CPPED1: variants seen among roughly 807,000 people sequenced by gnomAD.
CPPED1 encodes serine/threonine-protein phosphatase CPPED1.
Under a neutral mutation model 28.0 loss-of-function variants are expected in CPPED1, and 28 were observed. The ratio of observed to expected loss-of-function variants is 1.00; its 90% CI spans 0.74 to 1.37. The LOEUF is 1.37. Among genes scored for constraint, CPPED1 ranks in the 40% most tolerant of loss-of-function variants. CPPED1 has a pLI of 0.00. For missense variants in CPPED1, 504 were observed against 416.5 expected (o/e 1.21, Z -1.83); for synonymous variants, 198 against 180.2 (o/e 1.10, Z -0.79).
At chr16:12,799,904 A>C (rs558009120) in intron 1 of CPPED1, among the ~76,000 whole-genome samples, 2 of 152,286 alleles carry the variant, frequency 1.3e-5, no homozygotes, top group East Asian at 3.9e-4. Flanking sequence ...CGGGGCTAAG[A>C]AAAGTTCAGA....
intron 1 of CPPED1, among the ~76,000 whole-genome samples, chr16:12,783,838 G>C (rs16960666): frequency 0.098 from 14,984 of 152,236 alleles, 786 homozygotes; most frequent in East Asian, 0.13. Flanking sequence ...TGGGCCAGAA[G>C]TCAATCTGAA....
rs1241335952 is a variant in CPPED1, at chr16:12,682,444, T to C, written c.716-17329A>G. ...AGAATATGCAAGAGGAGGGCTGTAT[T>C]TTTTTAATACTAATATTTGGTTGTC... On this transcript the variant is annotated intron_variant, in intron 3 of 3. Coordinates refer to ENST00000381774, the MANE Select transcript of CPPED1 (RefSeq NM_018340.3). This position sits in a 1 kb window ranked among gnomAD's most constrained non-coding sequence, Gnocchi z 6.1. Among the ~76,000 whole-genome samples, 2 of 152,176 alleles carry C rather than the reference T, an allele frequency of 1.3e-5. No homozygotes were observed. Among genetic ancestry groups the C allele is most frequent in the Non-Finnish European group, 2.9e-5 (2 of 68,040 alleles).
chr16:12,766,166 G>A (rs2080436704), intron 2 of CPPED1, among the ~76,000 whole-genome samples: 1 of 151,240 alleles, frequency 6.6e-6, no homozygotes, highest in Non-Finnish European at 1.5e-5. Flanking sequence ...GCAGAGGCGG[G>A]TGCATCACCT....
rs559928020 is a variant in CPPED1, at chr16:12,711,763, G to C, written c.290-6714C>G. ...TGCTCTTTATTAGGGGTGTCCTCTG[G>C]GGATGTTGCCCTCTGAGCCTGTCTT... is the stretch of plus-strand genomic sequence containing the variant. On this transcript the variant is annotated intron_variant, in intron 2 of 3. Coordinates refer to ENST00000381774, the MANE Select transcript of CPPED1 (RefSeq NM_018340.3). Among the ~76,000 whole-genome samples, 10 of 152,222 alleles carry C rather than the reference G, an allele frequency of 6.6e-5. No individual in the cohort carries two copies. The East Asian group carries it at 1.9e-3, about 29-fold the overall frequency.
intron 2 of CPPED1, among the ~76,000 whole-genome samples, chr16:12,765,510 G>A (rs2080433268): frequency 6.6e-6 from 1 of 151,590 alleles, no homozygotes; most frequent in South Asian, 2.1e-4. Context: ...GTGCTTTCGG[G>A]AAAAAAAACA....
chr16:12,748,292 C>A (rs530068481), intron 2 of CPPED1, among the ~76,000 whole-genome samples: 3 of 152,068 alleles, frequency 2.0e-5, no homozygotes, highest in Non-Finnish European at 4.4e-5. Context: ...AATAAATGAA[C>A]TAGAATGATC....
chr16:12,686,720 A>G (rs2079935386), intron 3 of CPPED1, among the ~76,000 whole-genome samples: 1 of 152,190 alleles, frequency 6.6e-6, no homozygotes, highest in South Asian at 2.1e-4. Context: ...GGAAATGAGA[A>G]CCAGACGACA....
At chr16:12,743,933 C>T (rs905560866) in intron 2 of CPPED1, among the ~76,000 whole-genome samples, 16 of 151,464 alleles carry the variant, frequency 1.1e-4, no homozygotes, top group South Asian at 2.1e-4. Flanking sequence ...TGAGCCAGGG[C>T]GACAGAGCAA....
At chr16:12,673,495 C>T (rs74011937) in intron 3 of CPPED1, among the ~76,000 whole-genome samples, 2,533 of 152,264 alleles carry the variant, frequency 0.017, 58 homozygotes, top group African/African-American at 0.057. Flanking sequence ...GCTGTAAAAA[C>T]TCATTTATGT....
rs1374632943 is a variant in CPPED1 at position 12,803,731 on chromosome 16, T to G, written c.46A>C (p.Arg16=). Residue 16 remains arginine (R), a synonymous_variant, in exon 1 of 4, where the codon AGG becomes CGG. Transcript: ENST00000381774. ...AGGVFHRARG[R]TLAAFPAEKE... Reference sequence around the variant, plus strand: ...CCTGCGGGAAACGCGGCCAGGGTCCTGCCCCTGGCTCTGTGGAAAACACCC... The same window carrying G: ...CCTGCGGGAAACGCGGCCAGGGTCCGGCCCCTGGCTCTGTGGAAAACACCC... 6.3e-7 allele frequency: 1 copy of G among 1,592,372 alleles called. No homozygotes were observed. The highest frequency in any genetic ancestry group is 8.5e-7 in the Non-Finnish European group (1 of 1,171,084).
At chr16:12,782,662 C>A (rs1329129735) in intron 1 of CPPED1, among the ~76,000 whole-genome samples, 1 of 151,360 alleles carries the variant, frequency 6.6e-6, no homozygotes, top group African/African-American at 2.4e-5. Flanking sequence ...GGGTCTGAGA[C>A]CAGCCTGGGC....
chr16:12,742,788 G>T (rs139508137), intron 2 of CPPED1, among the ~76,000 whole-genome samples: 2 of 152,144 alleles, frequency 1.3e-5, no homozygotes, highest in African/African-American at 2.4e-5. Context: ...CTGTTTGTTA[G>T]GAGGACTCAC....
intron 1 of CPPED1, among the ~76,000 whole-genome samples, chr16:12,794,087 A>C (rs1458858362): frequency 6.6e-6 from 1 of 152,000 alleles, no homozygotes; most frequent in Non-Finnish European, 1.5e-5. Flanking sequence ...AATATTTACC[A>C]CTTTGGGACT....
chr16:12,775,679 C>T (rs537569562), intron 2 of CPPED1, among the ~76,000 whole-genome samples: 1 of 152,336 alleles, frequency 6.6e-6, no homozygotes, highest in South Asian at 2.1e-4. Context: ...ACAGCTCCAT[C>T]TGCTGCTCTG....
rs575743195 is a variant in CPPED1, at chr16:12,762,192, C to T, written c.289+18993G>A. 5.3e-5 allele frequency among the ~76,000 whole-genome samples: 8 copies of T among 152,344 alleles called. No individual in the cohort carries two copies. The East Asian group carries it at 1.5e-3, about 29-fold the overall frequency. On this transcript the variant is annotated intron_variant, in intron 2 of 3. Coordinates refer to ENST00000381774, the MANE Select transcript of CPPED1 (RefSeq NM_018340.3). ...GGGCCTCCCTCTTCTGCTTAGTCCC[C>T]TGGGACTTAAATTTCCACATTAAAA...
chr16:12,781,954 G>A (rs1433864309), intron 1 of CPPED1, among the ~76,000 whole-genome samples: 5 of 151,832 alleles, frequency 3.3e-5, no homozygotes, highest in African/African-American at 9.7e-5. Context: ...ATCTCGGAAT[G>A]AGTAAGTCAA....
intron 3 of CPPED1, among the ~76,000 whole-genome samples, chr16:12,689,051 G>A (rs557910471): frequency 1.3e-5 from 2 of 152,196 alleles, no homozygotes; most frequent in South Asian, 4.1e-4. Flanking sequence ...AGAACAAGTG[G>A]AAACAACCTC....
intron 1 of CPPED1, among the ~76,000 whole-genome samples, chr16:12,800,955 G>A (rs914116016): frequency 1.3e-5 from 2 of 152,124 alleles, no homozygotes; most frequent in African/African-American, 2.4e-5. Flanking sequence ...ATTATTTTTT[G>A]TGCCCTAGCT....
At chr16:12,791,578 T>C (rs1251583590) in intron 1 of CPPED1, among the ~76,000 whole-genome samples, 1 of 152,154 alleles carries the variant, frequency 6.6e-6, no homozygotes, top group Admixed American at 6.6e-5. Context: ...CAGCCCCACC[T>C]TACCGTTCCC....
Sources: allele counts gnomAD v4.1 joint callset (sites outside exome capture counted in the v4.1 genomes callset), GRCh38; gene constraint gnomAD v4.1.1; non-coding constraint Gnocchi (gnomAD v3.1); transcripts MANE v1.5; gene names NCBI Gene and HGNC (gene_info 2026-07-23, HGNC 2026-07-21).